The following PAX6 variants were observed in gnomAD, a reference collection of about 807,000 sequenced individuals.
PAX6 encodes paired box 6.
Under a neutral mutation model 60.7 loss-of-function variants are expected in PAX6, and 7 were observed. The ratio of observed to expected loss-of-function variants is 0.12; its 90% confidence interval spans 0.07 to 0.22. PAX6 has a LOEUF of 0.22. PAX6 is among the 10% of genes least tolerant of loss of function. PAX6 has a pLI of 1.00. For missense variants in PAX6, 355 were observed against 555.2 expected, an observed-to-expected ratio of 0.64 and a Z score of 3.62; for synonymous variants, 208 against 201.2, an observed-to-expected ratio of 1.03 and a Z score of -0.29.
intron 8 of PAX6, among the ~76,000 whole-genome samples, chr11:31,796,992 G>C (rs1475088584): frequency 1.3e-5 from 2 of 152,120 alleles, no homozygotes; most frequent in African/African-American, 4.8e-5. Flanking sequence ...CGTTTTTCAA[G>C]GGAAGAAATG....
rs759557055 is a variant in PAX6 at position 31,801,704 on chromosome 11, C to A, written c.256G>T (p.Gly86Cys). 6.2e-7 allele frequency: 1 copy of A among 1,614,056 alleles called. No individual in the cohort carries two copies. The highest frequency in any genetic ancestry group is 8.5e-7 in the Non-Finnish European group (1 of 1,180,054). The change falls in exon 7 of 14, where the codon GGT becomes TGT. Residue 86 changes from glycine to cysteine, a missense_variant. Physicochemically the swap from Gly to Cys is radical, Grantham distance 159. Coordinates refer to ENST00000640368, the MANE Select transcript of PAX6 (RefSeq NM_001368894.2). ...ETGSIRPRAI[G>C]GSKPRVATPE... ...GTCGCTACTCTCGGTTTACTACCAC[C>A]GATTGCCCTGGGTCTGATGGAGCCA... is the stretch of plus-strand genomic sequence containing the variant.
Position 31,789,942 on chromosome 11 carries a change from A to C in PAX6, c.1303T>G (p.Leu435Val). ...EPDMSQYWPR[L>V]Q The stretch of plus-strand genomic sequence containing the variant: ...TTTTTTTTTTTTTTTTTTTACTGTA[A>C]TCTTGGCCAGTATTGAGACATATCA... The change falls in exon 14 of 14, where the codon TTA (leucine) becomes GTA (valine). Residue 435 changes from leucine (L) to valine (V), a missense_variant. Physicochemically the swap from Leu to Val is conservative, Grantham distance 32. Around this residue, in one of 5 missense-constraint regions of PAX6, gnomAD observed 149 missense variants for 191.9 expected, o/e 0.78. Transcript: ENST00000640368. 1 of 1,427,110 alleles carries C rather than the reference A, an allele frequency of 7.0e-7. No homozygotes were observed. Among genetic ancestry groups the C allele is most frequent in the Non-Finnish European group, 9.4e-7 (1 of 1,059,424 alleles). The allele number at this position is 1,427,110 out of a possible 1,614,324, so 88.4% of individuals were successfully genotyped here. A position where few individuals can be genotyped will look rare whatever the true frequency, so the allele number is the denominator to read the frequency against.
intron 3 of PAX6, 76 bp from the exon 4 acceptor site, chr11:31,806,538 T>C: frequency 2.7e-6 from 3 of 1,130,708 alleles, no homozygotes; most frequent in Non-Finnish European, 2.6e-6. Context: ...GAGGTGGACC[T>C]GGGGCTAGGA....
At chr11:31,790,059 T>A (rs751917532) in intron 13 of PAX6, 40 bp from the exon 14 acceptor site, 1 of 1,060,198 alleles carries the variant, frequency 9.4e-7, no homozygotes, top group Non-Finnish European at 1.4e-6. Flanking sequence ...AGATATTCCC[T>A]TTGAGAAACA....
chr11:31,793,218 T>A, intron 12 of PAX6: 1 of 690,438 alleles, frequency 1.4e-6, no homozygotes, highest in African/African-American at 1.8e-5. Flanking sequence ...CTGACAAAAC[T>A]GGACAGATTT....
intron 12 of PAX6, 159 bp downstream of exon 12, chr11:31,793,279 T>G: frequency 2.8e-6 from 2 of 719,294 alleles, no homozygotes; most frequent in Non-Finnish European, 5.1e-6. Flanking sequence ...CACTTAAAAG[T>G]GATGGGATTG....
At chr11:31,790,117 A>T (rs948731824) in intron 13 of PAX6, 98 bp from the exon 14 acceptor site, 2 of 779,982 alleles carry the variant, frequency 2.6e-6, no homozygotes, top group Admixed American at 5.4e-5. Context: ...AAAAAAAAAA[A>T]AAACTAATAC....
At chr11:31,817,173 A>G (rs1261258055) in intron 1 of PAX6, among the ~76,000 whole-genome samples, 1 of 152,252 alleles carries the variant, frequency 6.6e-6, no homozygotes, top group Non-Finnish European at 1.5e-5. Context: ...AGAATCGCTA[A>G]TTATTAGGTC....
chr11:31,795,103 C>T (rs1004899492), intron 8 of PAX6, among the ~76,000 whole-genome samples: 2 of 152,166 alleles, frequency 1.3e-5, no homozygotes, highest in African/African-American at 2.4e-5. Context: ...CCAAATGCCT[C>T]ACTCCACTCC....
In PAX6 at chr11:31,789,727, C is replaced by T. The variant is rs886048199; in HGVS notation, c.*207G>A. 4.3e-6 allele frequency: 3 copies of T among 705,688 alleles called. No homozygotes were observed. Among genetic ancestry groups the T allele is most frequent in the Non-Finnish European group, 7.8e-6 (3 of 385,712 alleles). 43.7% of individuals were successfully genotyped at this position (705,688 alleles called of 1,614,324 possible). A position where few individuals can be genotyped will look rare whatever the true frequency, so the allele number is the denominator to read the frequency against. On this transcript the variant is annotated 3_prime_UTR_variant, in exon 14 of 14. Coordinates refer to ENST00000640368, the MANE Select transcript of PAX6 (RefSeq NM_001368894.2). The stretch of plus-strand genomic sequence containing the variant: ...TTGGATACCAAAATGAAGATTTGTT[C>T]CAACTGATATCGTGCCTTCTGTATA...
chr11:31,800,667 C>G (rs200176007), intron 8 of PAX6, 24 bp downstream of exon 8: 21 of 1,613,400 alleles, frequency 1.3e-5, no homozygotes, highest in African/African-American at 2.7e-5. Flanking sequence ...TGGAGAGCTG[C>G]GTGGATGGCT....
chr11:31,801,589 C>G lies in PAX6; in HGVS notation c.371G>C (p.Gly124Ala). The G allele has an allele frequency of 1.9e-6, 3 of 1,614,052 alleles. No individual in the cohort carries two copies. Among genetic ancestry groups the G allele is most frequent in the Non-Finnish European group, 2.5e-6 (3 of 1,180,018 alleles). The change falls in exon 7 of 14, where the codon GGG becomes GCG. Residue 124 changes from glycine (G) to alanine (A), a missense_variant. Coordinates refer to ENST00000640368, the MANE Select transcript of PAX6 (RefSeq NM_001368894.2). ...TGGTATGTTATCGTTGGTACAGACCCCCTCGGACAGTAATCTGTCTCGGAT... is the reference window on the plus strand; with the variant it reads ...TGGTATGTTATCGTTGGTACAGACCGCCTCGGACAGTAATCTGTCTCGGAT... ...WEIRDRLLSE[G>A]VCTNDNIPSV...
At chr11:31,799,149 A>G (rs1163371052) in intron 8 of PAX6, among the ~76,000 whole-genome samples, 1 of 152,128 alleles carries the variant, frequency 6.6e-6, no homozygotes, top group Non-Finnish European at 1.5e-5. Context: ...AGTGTCTACA[A>G]GTGGGAATCC....
At chr11:31,800,950 C>A in intron 7 of PAX6, 94 bp from the exon 8 acceptor site, 1 of 1,362,182 alleles carries the variant, frequency 7.3e-7, no homozygotes, top group Non-Finnish European at 1.0e-6. Context: ...AAGCAACTCT[C>A]AACCCGTTAA....
intron 8 of PAX6, among the ~76,000 whole-genome samples, chr11:31,797,312 C>G (rs1312441629): frequency 6.6e-6 from 1 of 152,122 alleles, no homozygotes; most frequent in African/African-American, 2.4e-5. Flanking sequence ...ATGCTCTGCT[C>G]TCATTTGCCT....
rs758400541 is a variant in PAX6 at position 31,800,754 on chromosome 11, C to T, written c.502G>A (p.Gly168Arg). The T allele has an allele frequency of 4.3e-6, 7 of 1,614,086 alleles. No individual in the cohort carries two copies. The highest frequency in any genetic ancestry group is 1.7e-5 in the Admixed American group (1 of 59,998). The stretch of plus-strand genomic sequence containing the variant: ...CAACCAGGGCGGGTGCCCCAGCTTC[C>T]GGTCTGCCCGTTCAACATCCTTAGT... ...DKLRMLNGQT[G>R]SWGTRPGWYP... The change falls in exon 8 of 14, where the codon GGA becomes AGA. Residue 168 changes from glycine to arginine, a missense_variant. Physicochemically the swap from Gly to Arg is moderately radical, Grantham distance 125 (BLOSUM62 -2). Coordinates refer to ENST00000640368, the MANE Select transcript of PAX6 (RefSeq NM_001368894.2).
upstream of PAX6, chr11:31,814,821 A>G (rs1315771656): frequency 6.6e-6 from 1 of 152,404 alleles, no homozygotes; most frequent in Non-Finnish European, 1.5e-5. Context: ...TAGAAAAGCC[A>G]AGAAGATCCC....
At chr11:31,811,939 G>A, upstream of PAX6, 1 of 152,324 alleles carries the variant, frequency 6.6e-6, no homozygotes, top group East Asian at 1.9e-4. Context: ...CGAGGCCAGA[G>A]GCCTCCCCAG....
Position 31,794,717 on chromosome 11 carries a change from C to T in PAX6, c.637G>A (p.Glu213Lys), listed in dbSNP as rs1950982788. ...TTCAGCTGAAGTCGCATTTGAGCCTCATCTGAATCTTCTCCGTTGGAACTG... is the reference window on the plus strand; with the variant it reads ...TTCAGCTGAAGTCGCATTTGAGCCTTATCTGAATCTTCTCCGTTGGAACTG... ...SISSNGEDSD[E>K]AQMRLQLKRK... The change falls in exon 9 of 14, where the codon GAG (glutamate) becomes AAG (lysine). Residue 213 changes from glutamate to lysine, a missense_variant. Physicochemically the swap from Glu to Lys is moderately conservative, Grantham distance 56. Transcript: ENST00000640368. 1 of 1,614,054 alleles carries T rather than the reference C, an allele frequency of 6.2e-7. No individual in the cohort carries two copies. Among genetic ancestry groups the T allele is most frequent in the Non-Finnish European group, 8.5e-7 (1 of 1,180,014 alleles).
Sources: allele counts gnomAD v4.1 joint callset (sites outside exome capture counted in the v4.1 genomes callset), GRCh38; gene constraint gnomAD v4.1.1; regional missense constraint gnomAD v4.1.1; transcripts MANE v1.5; gene names NCBI Gene and HGNC (gene_info 2026-07-23, HGNC 2026-07-21).